Variants in DCDC2 observed in about 807,000 individuals in gnomAD.
DCDC2 encodes the protein doublecortin domain containing 2.
In DCDC2, 40 loss-of-function variants were observed where a neutral mutation model predicts 50.2. The ratio of observed to expected loss-of-function variants is 0.80; its 90% CI spans 0.62 to 1.04. The LOEUF (loss-of-function observed/expected upper bound fraction) is 1.04, where lower values mean the gene tolerates loss of function less well. Ranked by LOEUF, DCDC2 falls within the 50% of genes least tolerant of loss-of-function variation. The pLI is 0.00. For missense variants in DCDC2, 570 were observed against 581.9 expected (o/e 0.98, Z 0.21); for synonymous variants, 234 against 210.6 (o/e 1.11, Z -0.96).
In DCDC2 at chr6:24,278,226, A is replaced by G; in HGVS notation, c.760-15T>C. On this transcript the variant is annotated splice_polypyrimidine_tract_variant and intron_variant, in intron 6 of 9. Coordinates refer to ENST00000378454, the MANE Select transcript of DCDC2 (RefSeq NM_016356.5). ...CGATCATTTCCCTAAATGGCAAAGTATTAGACCCTTATTATTAGCTAATGA... is the reference window on the plus strand; with the variant it reads ...CGATCATTTCCCTAAATGGCAAAGTGTTAGACCCTTATTATTAGCTAATGA... 6.3e-7 allele frequency: 1 copy of G among 1,586,150 alleles called. No homozygotes were observed. The highest frequency in any genetic ancestry group is 8.6e-7 in the Non-Finnish European group (1 of 1,168,816).
chr6:24,219,660 G>C (rs535845041), intron 7 of DCDC2, among the ~76,000 whole-genome samples: 2 of 152,182 alleles, frequency 1.3e-5, no homozygotes, highest in African/African-American at 4.8e-5. Flanking sequence ...ACAGGGCCCT[G>C]CTCTGAAGGG....
chr6:24,347,176 A>G (rs1760280912), intron 2 of DCDC2, among the ~76,000 whole-genome samples: 1 of 152,216 alleles, frequency 6.6e-6, no homozygotes, highest in Non-Finnish European at 1.5e-5. Flanking sequence ...TATCAATAAT[A>G]AAGTTTAAAA....
chr6:24,243,493 T>A (rs1762606000), intron 7 of DCDC2, among the ~76,000 whole-genome samples: 1 of 152,218 alleles, frequency 6.6e-6, no homozygotes, highest in African/African-American at 2.4e-5. Context: ...CTCAATGATT[T>A]AATGTGTTTA....
chr6:24,183,771 C>G (rs1018474744), intron 8 of DCDC2, among the ~76,000 whole-genome samples: 9 of 151,980 alleles, frequency 5.9e-5, no homozygotes, highest in East Asian at 1.9e-4. Flanking sequence ...GATCAAAGAG[C>G]GCAGAGCAGA....
intron 7 of DCDC2, chr6:24,205,338 C>T (rs550925283): frequency 9.3e-6 from 14 of 1,508,276 alleles, no homozygotes; most frequent in East Asian, 7.4e-5. Context: ...AAAGTTCTGT[C>T]GAAGCTCCTG....
intron 2 of DCDC2, among the ~76,000 whole-genome samples, chr6:24,312,951 A>C (rs2083614071): frequency 6.6e-6 from 1 of 152,182 alleles, no homozygotes; most frequent in Admixed American, 6.5e-5. Flanking sequence ...AAAACTCTTC[A>C]ATGTAAGTAT....
intron 4 of DCDC2, among the ~76,000 whole-genome samples, chr6:24,301,500 A>G (rs1759373985): frequency 6.6e-6 from 1 of 151,928 alleles, no homozygotes; most frequent in Non-Finnish European, 1.5e-5. Context: ...ATGTGCTACT[A>G]TGTGCCAATG....
chr6:24,350,010 T>C (rs1291360159), intron 2 of DCDC2, among the ~76,000 whole-genome samples: 1 of 152,150 alleles, frequency 6.6e-6, no homozygotes, highest in Non-Finnish European at 1.5e-5. Flanking sequence ...TACTTCCTGC[T>C]GTGCAAAGTG....
At chr6:24,325,058 C>T (rs1216525545) in intron 2 of DCDC2, among the ~76,000 whole-genome samples, 2 of 152,100 alleles carry the variant, frequency 1.3e-5, no homozygotes, top group African/African-American at 4.8e-5. Flanking sequence ...TCTCAGCCTG[C>T]CTACCACAGA....
intron 7 of DCDC2, among the ~76,000 whole-genome samples, chr6:24,208,511 C>T (rs868732226): frequency 2.6e-5 from 4 of 151,938 alleles, no homozygotes; most frequent in South Asian, 2.1e-4. Context: ...GCTGGGATTA[C>T]AGGCATGTGC....
intron 2 of DCDC2, among the ~76,000 whole-genome samples, chr6:24,351,935 C>A (rs1474035046): frequency 1.3e-5 from 2 of 152,240 alleles, no homozygotes; most frequent in Admixed American, 1.3e-4. Context: ...GAAACCCCGT[C>A]TCTACGAAAA....
At chr6:24,241,472 G>C (rs9393539) in intron 7 of DCDC2, among the ~76,000 whole-genome samples, 2 of 152,032 alleles carry the variant, frequency 1.3e-5, no homozygotes, top group African/African-American at 4.8e-5. Context: ...TTTTAACAAA[G>C]AATTAAAAAT....
At chr6:24,373,074 A>G in the DCDC2 span, among the ~76,000 whole-genome samples, 1 of 152,256 alleles carries the variant, frequency 6.6e-6, no homozygotes, top group Non-Finnish European at 1.5e-5. Flanking sequence ...GATTGACAAA[A>G]ATTAAGAAAT....
At chr6:24,357,405 A>T (rs375777121) in intron 1 of DCDC2, 53 bp downstream of exon 1, 12 of 1,523,916 alleles carry the variant, frequency 7.9e-6, no homozygotes, top group Non-Finnish European at 8.8e-6. Flanking sequence ...CTTCATATCA[A>T]CCCCACACTA....
chr6:24,363,353 T>C, the DCDC2 span, among the ~76,000 whole-genome samples: 4 of 151,910 alleles, frequency 2.6e-5, no homozygotes, highest in Non-Finnish European at 5.9e-5. Context: ...CTAAAAAAAT[T>C]ATCAGGGCAT....
intron 4 of DCDC2, among the ~76,000 whole-genome samples, chr6:24,294,591 G>T (rs183758670): frequency 4.9e-4 from 75 of 152,074 alleles, no homozygotes; most frequent in African/African-American, 1.7e-3. Flanking sequence ...TAATAAAGGA[G>T]AAAAGAGAGA....
intron 7 of DCDC2, among the ~76,000 whole-genome samples, chr6:24,227,300 CAA>C (rs1050735909): frequency 6.6e-6 from 1 of 152,168 alleles, no homozygotes. Flanking sequence ...GTGAAAATTA[CAA>C]AGTCTTCCCA....
At chr6:24,251,417 T>A (rs752730677) in intron 7 of DCDC2, among the ~76,000 whole-genome samples, 3 of 152,214 alleles carry the variant, frequency 2.0e-5, no homozygotes, top group Non-Finnish European at 4.4e-5. Flanking sequence ...TGGACAGCAA[T>A]GTTAGGTTAC....
chr6:24,194,120 G>C (rs949868071), intron 8 of DCDC2, among the ~76,000 whole-genome samples: 1 of 152,110 alleles, frequency 6.6e-6, no homozygotes, highest in African/African-American at 2.4e-5. Flanking sequence ...AGTACTCCAT[G>C]AGAAATAGCT....
Sources: gnomAD v4.1 joint callset for allele counts (sites outside exome capture counted in the v4.1 genomes callset) on GRCh38, gnomAD v4.1.1 for gene constraint, MANE v1.5 for transcripts, NCBI Gene and HGNC (gene_info 2026-07-23, HGNC 2026-07-21) for gene names.